Variants in LHFPL2 observed in about 807,000 individuals in gnomAD.
The protein encoded by LHFPL2 is LHFPL tetraspan subfamily member 2 protein.
LHFPL2 carries 7 observed loss-of-function variants against 17.5 expected under a neutral mutation model. The observed-to-expected ratio is 0.40, with a 90% CI of 0.23 to 0.75. LHFPL2 has a LOEUF of 0.75. LHFPL2 is among the 30% of genes least tolerant of loss of function. The pLI is 0.37. For synonymous variants in LHFPL2, 134 were observed against 116.2 expected, an observed-to-expected ratio of 1.15 and a Z score of -0.99; for missense variants, 241 against 294.8, an observed-to-expected ratio of 0.82 and a Z score of 1.34.
In LHFPL2 at chr5:78,635,633, T is replaced by G. The variant is rs185945279; in HGVS notation, c.-349-3265A>C. 5.7e-3 allele frequency among the ~76,000 whole-genome samples: 871 copies of G among 152,248 alleles called. 12 individuals carry two copies. Among genetic ancestry groups the G allele is most frequent in the African/African-American group, 0.02 (835 of 41,546 alleles). ...CTGGCTAACACGGTGAAACCCCGTC[T>G]CTACTAAAAAATACAAAAAATTAGC... On this transcript the variant is annotated intron_variant, in intron 1 of 4. Coordinates refer to ENST00000380345, the MANE Select transcript of LHFPL2 (RefSeq NM_005779.3).
chr5:78,536,261 T>C (rs1452522466), intron 3 of LHFPL2, among the ~76,000 whole-genome samples: 1 of 152,176 alleles, frequency 6.6e-6, no homozygotes, highest in Non-Finnish European at 1.5e-5. Context: ...TAAATGGCTG[T>C]TGCCCCTACT....
intron 3 of LHFPL2, among the ~76,000 whole-genome samples, chr5:78,516,493 C>T (rs928632683): frequency 1.3e-5 from 2 of 152,130 alleles, no homozygotes; most frequent in African/African-American, 2.4e-5. Context: ...TGGACAGGGG[C>T]GCTGTCAAAC....
Position 78,602,219 on chromosome 5 carries a change from G to GA in LHFPL2, c.-245+30044dup, listed in dbSNP as rs986327485. On this transcript the variant is annotated intron_variant, in intron 2 of 4. Transcript: ENST00000380345. Reference sequence around the variant, plus strand: ...TGATGGCAATGAAGAAAGGAAAAAAGAAAAAAAAATAAGGCCCAATGATGT... The same window carrying GA: ...TGATGGCAATGAAGAAAGGAAAAAAGAAAAAAAAAATAAGGCCCAATGATGT... Among the ~76,000 whole-genome samples, 268 of 149,618 alleles carry GA rather than the reference G, an allele frequency of 1.8e-3. 2 individuals carry two copies. The highest frequency in any genetic ancestry group is 3.9e-3 in the East Asian group (20 of 5,124).
intron 3 of LHFPL2, among the ~76,000 whole-genome samples, chr5:78,532,393 T>G (rs973276576): frequency 1.3e-5 from 2 of 152,156 alleles, no homozygotes; most frequent in Non-Finnish European, 1.5e-5. Flanking sequence ...TTTCTCCTGC[T>G]AAGAGATGTG....
At chr5:78,616,105 C>T (rs928407916) in intron 2 of LHFPL2, among the ~76,000 whole-genome samples, 1 of 139,062 alleles carries the variant, frequency 7.2e-6, no homozygotes, top group Admixed American at 7.6e-5. Flanking sequence ...ACCTCTTTTC[C>T]CAGGTTTTTG....
At chr5:78,498,846 A>G (rs763206477) in intron 4 of LHFPL2, among the ~76,000 whole-genome samples, 2 of 152,240 alleles carry the variant, frequency 1.3e-5, no homozygotes, top group Non-Finnish European at 2.9e-5. Context: ...CCTGTAAAAA[A>G]CAGAAGTCTT....
chr5:78,537,463 C>A (rs1390223981), intron 3 of LHFPL2, among the ~76,000 whole-genome samples: 1 of 152,162 alleles, frequency 6.6e-6, no homozygotes, highest in East Asian at 1.9e-4. Context: ...CCCGCTTTGC[C>A]CAATTAGAAA....
chr5:78,533,357 G>C (rs1755842911), intron 3 of LHFPL2, among the ~76,000 whole-genome samples: 1 of 152,200 alleles, frequency 6.6e-6, no homozygotes, highest in African/African-American at 2.4e-5. Context: ...CCAACCATAT[G>C]AACAAAGTGC....
intron 2 of LHFPL2, among the ~76,000 whole-genome samples, chr5:78,565,500 T>G (rs1318480538): frequency 1.3e-5 from 2 of 152,212 alleles, no homozygotes; most frequent in South Asian, 4.1e-4. Flanking sequence ...CTTTAGAAAA[T>G]TATAAGCCTA....
At chr5:78,568,242 G>A (rs935910854) in intron 2 of LHFPL2, among the ~76,000 whole-genome samples, 3 of 152,156 alleles carry the variant, frequency 2.0e-5, no homozygotes, top group Admixed American at 1.3e-4. Flanking sequence ...CACTTACAGT[G>A]CAATCAAAGT....
chr5:78,538,806 C>G (rs1756022264), intron 3 of LHFPL2, among the ~76,000 whole-genome samples: 1 of 152,214 alleles, frequency 6.6e-6, no homozygotes, highest in South Asian at 2.1e-4. Context: ...CATATAGTCC[C>G]ATTGTCTTTG....
intron 1 of LHFPL2, among the ~76,000 whole-genome samples, chr5:78,646,522 T>G (rs1745885373): frequency 6.6e-6 from 1 of 152,180 alleles, no homozygotes; most frequent in South Asian, 2.1e-4. Context: ...AACAGAGAAA[T>G]TAAATAACAT....
chr5:78,647,834 A>G (rs1319758766), intron 1 of LHFPL2, among the ~76,000 whole-genome samples: 3 of 152,024 alleles, frequency 2.0e-5, no homozygotes, highest in African/African-American at 7.2e-5. Flanking sequence ...GAAAAGAAAA[A>G]AAAAAACTGT....
At chr5:78,496,997 A>G (rs556444155) in intron 4 of LHFPL2, among the ~76,000 whole-genome samples, 2 of 152,306 alleles carry the variant, frequency 1.3e-5, no homozygotes, top group South Asian at 4.2e-4. Context: ...CCAGCTGTCT[A>G]CTTGGCCTCT....
chr5:78,493,872 C>G (rs376220186), intron 4 of LHFPL2, among the ~76,000 whole-genome samples: 1 of 152,092 alleles, frequency 6.6e-6, no homozygotes, highest in Admixed American at 6.5e-5. Flanking sequence ...GTAACAGATA[C>G]GAAGTTTGCT....
chr5:78,586,292 T>G (rs1224517677), intron 2 of LHFPL2, among the ~76,000 whole-genome samples: 2 of 152,210 alleles, frequency 1.3e-5, no homozygotes, highest in Non-Finnish European at 2.9e-5. Flanking sequence ...GTGAGATGAT[T>G]TCACAGTGAT....
At chr5:78,582,926 T>A (rs1403247115) in intron 2 of LHFPL2, among the ~76,000 whole-genome samples, 3 of 152,188 alleles carry the variant, frequency 2.0e-5, no homozygotes, top group Non-Finnish European at 4.4e-5. Context: ...AGTCTAAGTG[T>A]CTTTGTAGGT....
rs375545932 is a variant in LHFPL2, at chr5:78,613,784, C to A, written c.-245+18480G>T. On this transcript the variant is annotated intron_variant, in intron 2 of 4. Transcript: ENST00000380345. ...ATCAAGCAGAGCTGCAGTCCAAAAT[C>A]CAGCTCTACCACTTACTTGGTTGTA... is the stretch of plus-strand genomic sequence containing the variant. 5.3e-5 allele frequency among the ~76,000 whole-genome samples: 8 copies of A among 152,174 alleles called. No homozygotes were observed. In the East Asian group the frequency reaches 5.8e-4, roughly 11 times the overall value.
At chr5:78,628,059 A>T (rs1745113838) in intron 2 of LHFPL2, among the ~76,000 whole-genome samples, 1 of 152,176 alleles carries the variant, frequency 6.6e-6, no homozygotes, top group African/African-American at 2.4e-5. Flanking sequence ...TCCTGACCAC[A>T]GTGCCCTGAA....
Sources: allele counts gnomAD v4.1 joint callset (sites outside exome capture counted in the v4.1 genomes callset), GRCh38; gene constraint gnomAD v4.1.1; transcripts MANE v1.5; gene names NCBI Gene and HGNC (gene_info 2026-07-23, HGNC 2026-07-21).